Variants in PHF19 observed in about 807,000 individuals in gnomAD.
PHF19 encodes the protein PHD finger protein 19.
A neutral mutation model predicts 79.8 loss-of-function variants in PHF19; 21 were observed. The ratio of observed to expected loss-of-function variants is 0.26; its 90% CI spans 0.19 to 0.38. The LOEUF is 0.38. PHF19 is among the 10% of genes least tolerant of loss of function. The pLI is 1.00. For synonymous variants in PHF19, 273 were observed against 296.3 expected, an observed-to-expected ratio of 0.92 and a Z score of 0.81; for missense variants, 445 against 744.2, an observed-to-expected ratio of 0.60 and a Z score of 4.68.
upstream of PHF19, among the ~76,000 whole-genome samples, chr9:120,879,531 G>A (rs2046148795): frequency 6.6e-6 from 1 of 152,304 alleles, no homozygotes; most frequent in African/African-American, 2.4e-5. Context: ...TACCCATCTC[G>A]TGGGGCTGTT....
chr9:120,880,893 G>A (rs1169751816), upstream of PHF19, among the ~76,000 whole-genome samples: 1 of 152,014 alleles, frequency 6.6e-6, no homozygotes, highest in East Asian at 1.9e-4. Context: ...CCAGGAGTTT[G>A]AGGCCACAGT....
chr9:120,877,081 C>T lies in PHF19; in HGVS notation c.-16+10G>A, dbSNP rs1458905681. The T allele has an allele frequency of 3.0e-6, 3 of 985,258 alleles. No homozygotes were observed. The Admixed American group carries it at 1.8e-4, about 61-fold the overall frequency. The allele number at this position is 985,258 out of a possible 1,614,324, so 61.0% of individuals were successfully genotyped here. A position where few individuals can be genotyped will look rare whatever the true frequency, so the allele number is the denominator to read the frequency against. ...GTGGCGGGGAGTCCGCCCAACAGCGCAGAACTCACCGCGAGGCTGCGTGTC... is the reference window on the plus strand; with the variant it reads ...GTGGCGGGGAGTCCGCCCAACAGCGTAGAACTCACCGCGAGGCTGCGTGTC... On this transcript the variant is annotated intron_variant, in intron 1 of 14. Transcript: ENST00000373896.
Position 120,857,937 on chromosome 9 carries a change from G to T in PHF19, c.*7C>A. ...TTTTCAGGACCCCTGGCACCCCCGG[G>T]GGCTAGTCAGTAAGGGGTGGTCCCT... On this transcript the variant is annotated 3_prime_UTR_variant, in exon 15 of 15. Transcript: ENST00000373896. 1 of 1,545,248 alleles carries T rather than the reference G, an allele frequency of 6.5e-7. No individual in the cohort carries two copies. Among genetic ancestry groups the T allele is most frequent in the Non-Finnish European group, 8.8e-7 (1 of 1,133,368 alleles).
At chr9:120,864,190 T>C in intron 9 of PHF19, 74 bp from the exon 10 acceptor site, 1 of 1,210,434 alleles carries the variant, frequency 8.3e-7, no homozygotes, top group Non-Finnish European at 1.2e-6. Flanking sequence ...CCCTACTCCC[T>C]CCCTTCCATC....
rs956008523 is a variant in PHF19, at chr9:120,862,700, G to A, written c.1018C>T (p.Arg340Cys). 1.2e-6 allele frequency: 2 copies of A among 1,614,158 alleles called. No individual in the cohort carries two copies. The highest frequency in any genetic ancestry group is 1.7e-6 in the Non-Finnish European group (2 of 1,179,978). ...GGCGGGTTGGGTGGGACGCGGATGC[G>A]CAGGCGGAAGATGCACTTCTTCTTC... ...IKKKKCIFRL[R>C]IRVPPNPPGK... is the part of the protein sequence containing the mutation. The change falls in exon 11 of 15, where the codon CGC becomes TGC. Residue 340 changes from arginine to cysteine, a missense_variant. Transcript: ENST00000373896. This position sits in a 1 kb window ranked among gnomAD's most constrained non-coding sequence, Gnocchi z 4.6.
chr9:120,861,157 G>T lies in PHF19; in HGVS notation c.1236C>A (p.Ala412=). 6.2e-7 allele frequency: 1 copy of T among 1,604,020 alleles called. No individual in the cohort carries two copies. The highest frequency in any genetic ancestry group is 8.5e-7 in the Non-Finnish European group (1 of 1,170,720). The change falls in exon 13 of 15, where the codon GCC becomes GCA. Residue 412 remains alanine, a synonymous_variant. Transcript: ENST00000373896. ...DAIPSSDFTS[A]WSTNHHLASI... is the part of the protein sequence containing the mutation. Reference sequence around the variant, plus strand: ...TAGCCAGGTGGTGGTTGGTGCTCCAGGCTGAGGTGAAGTCACTCTGTGGAC... The same window carrying T: ...TAGCCAGGTGGTGGTTGGTGCTCCATGCTGAGGTGAAGTCACTCTGTGGAC...
At chr9:120,883,077 A>T (rs2046211488) in intron 1 of PHF19, among the ~76,000 whole-genome samples, 1 of 152,180 alleles carries the variant, frequency 6.6e-6, no homozygotes, top group African/African-American at 2.4e-5. Flanking sequence ...TTTAAAAAAA[A>T]TGGTTGCCAG....
At position 120,860,368 on chromosome 9, in the gene PHF19, C is replaced by A; in HGVS notation, c.1305-183G>T. The A allele has an allele frequency of 1.7e-6, 1 of 574,156 alleles. No individual in the cohort carries two copies. The highest frequency in any genetic ancestry group is 3.1e-6 in the Non-Finnish European group (1 of 319,278). 35.6% of individuals were successfully genotyped at this position (574,156 alleles called of 1,614,324 possible). A position where few individuals can be genotyped will look rare whatever the true frequency, so the allele number is the denominator to read the frequency against. On this transcript the variant is annotated intron_variant, in intron 13 of 14. Transcript: ENST00000373896. The surrounding 1 kb of genome is among the most constrained non-coding windows in gnomAD (Gnocchi z 4.1). Reference sequence around the variant, plus strand: ...AGCCACCCTTCAAAGTCCAAGAAGTCAAAAAAACCTCCTGGAGCACCCTCC... The same window carrying A: ...AGCCACCCTTCAAAGTCCAAGAAGTAAAAAAAACCTCCTGGAGCACCCTCC...
chr9:120,888,093 C>T (rs1210587099), intron 1 of PHF19, among the ~76,000 whole-genome samples: 1 of 152,232 alleles, frequency 6.6e-6, no homozygotes, highest in Admixed American at 6.5e-5. Context: ...CTGCCTCAGC[C>T]TCCCAAGTAG....
In PHF19 at chr9:120,860,056, C is replaced by T. The variant is rs773637471; in HGVS notation, c.1400+34G>A. The T allele has an allele frequency of 8.8e-7, 1 of 1,140,342 alleles. No individual in the cohort carries two copies. Among genetic ancestry groups the T allele is most frequent in the Non-Finnish European group, 1.3e-6 (1 of 768,782 alleles). 70.6% of individuals were successfully genotyped at this position (1,140,342 alleles called of 1,614,324 possible). ...GGGCTGAGAGGAATGATGGTCCTTG[C>T]AAAATGTGAAGGCCAGACCTCTAGG... On this transcript the variant is annotated intron_variant, in intron 14 of 14. Coordinates refer to ENST00000373896, the MANE Select transcript of PHF19 (RefSeq NM_015651.3). This position sits in a 1 kb window ranked among gnomAD's most constrained non-coding sequence, Gnocchi z 4.1.
chr9:120,889,093 G>A (rs2046305656), intron 1 of PHF19, among the ~76,000 whole-genome samples: 1 of 152,170 alleles, frequency 6.6e-6, no homozygotes, highest in Non-Finnish European at 1.5e-5. Context: ...CAGATCATAA[G>A]TGACAGCTAA....
chr9:120,861,514 G>A (rs1438148371), intron 12 of PHF19, among the ~76,000 whole-genome samples: 1 of 152,184 alleles, frequency 6.6e-6, no homozygotes, highest in Admixed American at 6.5e-5. Flanking sequence ...GGGACATGAG[G>A]CATTGCTAAT....
Position 120,870,515 on chromosome 9 carries a change from T to G in PHF19, c.292A>C (p.Lys98Gln). ...GTCTTCCCTAGGCAGATGTTGCACT[T>G]GGGCTCCTCTCCTGGAACACCGGCT... ...QHAGVPGEEP[K>Q]CNICLGKTSG... The change falls in exon 4 of 15, where the codon AAG becomes CAG. Residue 98 changes from lysine (K) to glutamine (Q), a missense_variant. Transcript: ENST00000373896. This position sits in a 1 kb window ranked among gnomAD's most constrained non-coding sequence, Gnocchi z 4.4. 1 of 1,611,556 alleles carries G rather than the reference T, an allele frequency of 6.2e-7. No homozygotes were observed. Among genetic ancestry groups the G allele is most frequent in the South Asian group, 1.1e-5 (1 of 91,034 alleles).
In PHF19 at chr9:120,860,139, C is replaced by A. The variant is rs753741689; in HGVS notation, c.1351G>T (p.Ala451Ser). Residue 451 changes from alanine (A) to serine (S), a missense_variant, in exon 14 of 15, where the codon GCT becomes TCT. Around this residue, in one of 5 missense-constraint regions of PHF19, gnomAD observed 125 missense variants for 180.5 expected, o/e 0.69. Coordinates refer to ENST00000373896, the MANE Select transcript of PHF19 (RefSeq NM_015651.3). The surrounding 1 kb of genome is among the most constrained non-coding windows in gnomAD (Gnocchi z 4.1). ...GAGGCAGAGCCAGAGGTGCTGGCAGCGTCGGTGGAGTCGACATCTGAGAAG... is the reference window on the plus strand; with the variant it reads ...GAGGCAGAGCCAGAGGTGCTGGCAGAGTCGGTGGAGTCGACATCTGAGAAG... ...TFFSDVDSTD[A>S]ASTSGSASTS... is the part of the protein sequence containing the mutation. The A allele has an allele frequency of 1.9e-6, 3 of 1,600,450 alleles. No homozygotes were observed. The highest frequency in any genetic ancestry group is 1.1e-5 in the South Asian group (1 of 88,462).
In PHF19 at chr9:120,862,835, T is replaced by A. The variant is rs2131499245; in HGVS notation, c.969-86A>T. The A allele has an allele frequency of 7.8e-7, 1 of 1,275,154 alleles. No homozygotes were observed. The highest frequency in any genetic ancestry group is 2.3e-5 in the East Asian group (1 of 43,014). The allele number at this position is 1,275,154 out of a possible 1,614,324, so 79.0% of individuals were successfully genotyped here. A position where few individuals can be genotyped will look rare whatever the true frequency, so the allele number is the denominator to read the frequency against. ...TGGGGTCAAGCATGACACAAGCCTC[T>A]CTGCCTCCTTGGACCCAGAGCTAAA... On this transcript the variant is annotated intron_variant, in intron 10 of 14. Coordinates refer to ENST00000373896, the MANE Select transcript of PHF19 (RefSeq NM_015651.3). The surrounding 1 kb of genome is among the most constrained non-coding windows in gnomAD (Gnocchi z 4.6).
chr9:120,894,049 T>C (rs7037140), intron 1 of PHF19, among the ~76,000 whole-genome samples: 104,427 of 152,046 alleles, frequency 0.69, 36,153 homozygotes, highest in South Asian at 0.82. Flanking sequence ...TGATCCCATG[T>C]AGGGCCGGTT....
chr9:120,870,039 A>G lies in PHF19; in HGVS notation c.365-94T>C. On this transcript the variant is annotated intron_variant, in intron 4 of 14. Transcript: ENST00000373896. The surrounding 1 kb of genome is among the most constrained non-coding windows in gnomAD (Gnocchi z 4.4). Reference sequence around the variant, plus strand: ...AGGCAGGGCTGGGAGGGCTGAGGGAAGTCCTAGGAGCTCTGCCTGCCAGCT... The same window carrying G: ...AGGCAGGGCTGGGAGGGCTGAGGGAGGTCCTAGGAGCTCTGCCTGCCAGCT... The G allele has an allele frequency of 6.7e-7, 1 of 1,495,986 alleles. No homozygotes were observed. 92.7% of individuals were successfully genotyped at this position (1,495,986 alleles called of 1,614,324 possible). A position where few individuals can be genotyped will look rare whatever the true frequency, so the allele number is the denominator to read the frequency against.
At chr9:120,868,796 G>C (rs1378974805) in intron 6 of PHF19, 8 of 989,664 alleles carry the variant, frequency 8.1e-6, no homozygotes, top group Non-Finnish European at 9.6e-6. Flanking sequence ...GGTGCTTCTC[G>C]ACCTGCCTCA....
intron 1 of PHF19, among the ~76,000 whole-genome samples, chr9:120,888,165 G>A (rs1248198377): frequency 6.6e-6 from 1 of 152,130 alleles, no homozygotes; most frequent in South Asian, 2.1e-4. Context: ...AGTAGAGAGG[G>A]GGGTTTCACC....
Sources: gnomAD v4.1 joint callset for allele counts (sites outside exome capture counted in the v4.1 genomes callset) on GRCh38, gnomAD v4.1.1 for gene constraint, gnomAD v4.1.1 regional missense constraint, Gnocchi (gnomAD v3.1) non-coding constraint, MANE v1.5 for transcripts, NCBI Gene and HGNC (gene_info 2026-07-23, HGNC 2026-07-21) for gene names.